The following CDK6 variants were observed in gnomAD, a reference collection of about 807,000 sequenced individuals.
The protein encoded by CDK6 is cyclin dependent kinase 6.
A neutral mutation model predicts 37.1 loss-of-function variants in CDK6; 6 were observed. The ratio of observed to expected loss-of-function variants is 0.16; its 90% CI spans 0.09 to 0.32. The LOEUF is 0.32. Ranked by LOEUF, CDK6 falls within the 10% of genes least tolerant of loss-of-function variation. The pLI, the probability that CDK6 is intolerant of heterozygous loss-of-function variation, is 1.00. For synonymous variants in CDK6, 160 were observed against 161.3 expected (o/e 0.99, Z 0.06); for missense variants, 224 against 418.9 (o/e 0.53, Z 4.06).
chr7:92,732,948 C>G (rs1342561016), intron 3 of CDK6, among the ~76,000 whole-genome samples: 1 of 152,152 alleles, frequency 6.6e-6, no homozygotes, highest in Non-Finnish European at 1.5e-5. Flanking sequence ...ATAGCTGCAT[C>G]AACTTTAGGG....
Position 92,614,700 on chromosome 7 carries a change from C to T in CDK6, c.*440G>A, listed in dbSNP as rs912954760. Reference sequence around the variant, plus strand: ...AAGATCACAGAATCTCTCACATACACACACACACACACACACACACACACA... The same window carrying T: ...AAGATCACAGAATCTCTCACATACATACACACACACACACACACACACACA... On this transcript the variant is annotated 3_prime_UTR_variant, in exon 8 of 8. Coordinates refer to ENST00000424848, the MANE Select transcript of CDK6 (RefSeq NM_001145306.2). The T allele has an allele frequency of 4.7e-5, 6 of 128,088 alleles. No homozygotes were observed. Among genetic ancestry groups the T allele is most frequent in the Middle Eastern group, 2.8e-3 (1 of 354 alleles). 7.9% of individuals were successfully genotyped at this position (128,088 alleles called of 1,614,324 possible).
intron 2 of CDK6, among the ~76,000 whole-genome samples, chr7:92,803,676 G>T (rs1449268283): frequency 6.6e-6 from 1 of 152,134 alleles, no homozygotes; most frequent in Non-Finnish European, 1.5e-5. Context: ...ACCATTTTGG[G>T]GCACATGTGT....
At chr7:92,785,064 T>C (rs1306590726) in intron 2 of CDK6, among the ~76,000 whole-genome samples, 1 of 152,186 alleles carries the variant, frequency 6.6e-6, no homozygotes, top group Admixed American at 6.5e-5. Flanking sequence ...CACTGAATGA[T>C]GACGCAGTGA....
intron 4 of CDK6, among the ~76,000 whole-genome samples, chr7:92,695,786 C>T (rs971540466): frequency 5.3e-5 from 8 of 152,202 alleles, no homozygotes; most frequent in Non-Finnish European, 1.0e-4. Context: ...AGGCTCAGGA[C>T]GGCAGGCTTT....
At chr7:92,771,290 A>C (rs1799711490) in intron 3 of CDK6, among the ~76,000 whole-genome samples, 1 of 123,102 alleles carries the variant, frequency 8.1e-6, no homozygotes, top group African/African-American at 3.2e-5. Context: ...ACTCCGTCTC[A>C]AAAAAAAAAA....
chr7:92,691,126 G>A (rs959026037), intron 4 of CDK6, among the ~76,000 whole-genome samples: 26 of 152,180 alleles, frequency 1.7e-4, no homozygotes, highest in Non-Finnish European at 7.4e-5. Flanking sequence ...ATTTATTGTA[G>A]TATAATGTTG....
chr7:92,612,793 C>T lies in CDK6; in HGVS notation c.*2347G>A. 4.3e-6 allele frequency: 1 copy of T among 233,072 alleles called. No homozygotes were observed. The highest frequency in any genetic ancestry group is 2.2e-5 in the African/African-American group (1 of 45,440). 14.4% of individuals were successfully genotyped at this position (233,072 alleles called of 1,614,324 possible). A position where few individuals can be genotyped will look rare whatever the true frequency, so the allele number is the denominator to read the frequency against. On this transcript the variant is annotated 3_prime_UTR_variant, in exon 8 of 8. Coordinates refer to ENST00000424848, the MANE Select transcript of CDK6 (RefSeq NM_001145306.2). ...TTTCTTGAGTGAACTTATGAAAACA[C>T]TTTTACAACAGCAAAAACTAAAGCT...
At chr7:92,671,733 G>C (rs934200359) in intron 4 of CDK6, among the ~76,000 whole-genome samples, 198 bp from the exon 5 acceptor site, 15 of 152,020 alleles carry the variant, frequency 9.9e-5, no homozygotes, top group African/African-American at 3.4e-4. Context: ...CCACAAACTG[G>C]GTTCCCACCT....
intron 4 of CDK6, among the ~76,000 whole-genome samples, chr7:92,713,686 AAAG>A (rs1300386565): frequency 1.3e-4 from 20 of 151,638 alleles, no homozygotes; most frequent in Non-Finnish European, 2.5e-4. Context: ...AAAAAAAAAA[AAAG>A]AACTAGTATC....
At chr7:92,638,818 A>G (rs1156627284) in intron 5 of CDK6, among the ~76,000 whole-genome samples, 1 of 152,222 alleles carries the variant, frequency 6.6e-6, no homozygotes, top group South Asian at 2.1e-4. Flanking sequence ...TATGCTGAAA[A>G]TTACTAACTT....
chr7:92,833,576 C>T lies in CDK6; in HGVS notation c.-253G>A, dbSNP rs549605897. ...TCCGCCTGCAGAGTCGCCGCCGCCGCCGCCGCCGGAGGAGCGAGCCGATCC... is the reference window on the plus strand; with the variant it reads ...TCCGCCTGCAGAGTCGCCGCCGCCGTCGCCGCCGGAGGAGCGAGCCGATCC... On this transcript the variant is annotated 5_prime_UTR_variant, in exon 2 of 8. Coordinates refer to ENST00000424848, the MANE Select transcript of CDK6 (RefSeq NM_001145306.2). The surrounding 1 kb of genome is among the most constrained non-coding windows in gnomAD (Gnocchi z 6.1). 31 of 544,296 alleles carry T rather than the reference C, an allele frequency of 5.7e-5. No individual in the cohort carries two copies. In the South Asian group the frequency reaches 7.9e-4, roughly 14 times the overall value. 33.7% of individuals were successfully genotyped at this position (544,296 alleles called of 1,614,324 possible).
At chr7:92,808,466 A>C (rs1170627538) in intron 2 of CDK6, among the ~76,000 whole-genome samples, 1 of 152,260 alleles carries the variant, frequency 6.6e-6, no homozygotes, top group East Asian at 1.9e-4. Context: ...GAAACAAATG[A>C]TTCACTTAAA....
At chr7:92,679,508 G>GGAATATAAAT (rs1797284343) in intron 4 of CDK6, among the ~76,000 whole-genome samples, 1 of 152,118 alleles carries the variant, frequency 6.6e-6, no homozygotes, top group Non-Finnish European at 1.5e-5. Flanking sequence ...TGGTTTATCA[G>GGAATATAAAT]GAATATAAAT....
At chr7:92,699,630 C>G (rs944562110) in intron 4 of CDK6, among the ~76,000 whole-genome samples, 1 of 152,158 alleles carries the variant, frequency 6.6e-6, no homozygotes, top group African/African-American at 2.4e-5. Context: ...AATGTCACAT[C>G]AACAATTAAT....
rs539880491 is a variant in CDK6, at chr7:92,662,053, C to G, written c.647+9373G>C. 3.9e-5 allele frequency among the ~76,000 whole-genome samples: 6 copies of G among 152,126 alleles called. No individual in the cohort carries two copies. In the South Asian group the frequency reaches 1.2e-3, roughly 32 times the overall value. On this transcript the variant is annotated intron_variant, in intron 5 of 7. Coordinates refer to ENST00000424848, the MANE Select transcript of CDK6 (RefSeq NM_001145306.2). The stretch of plus-strand genomic sequence containing the variant: ...GAGAATCTTTTCCAGAATGGAGAGA[C>G]AAGGGCATGATTTGACTCTTACGAG...
intron 2 of CDK6, among the ~76,000 whole-genome samples, chr7:92,779,727 T>A (rs1320533922): frequency 6.6e-6 from 1 of 152,200 alleles, no homozygotes; most frequent in Non-Finnish European, 1.5e-5. Flanking sequence ...CCCAAAACTA[T>A]GAAATTTTGT....
intron 5 of CDK6, among the ~76,000 whole-genome samples, chr7:92,643,883 T>C (rs903571548): frequency 3.9e-5 from 6 of 152,266 alleles, no homozygotes; most frequent in African/African-American, 1.4e-4. Context: ...GAAAGGTCTT[T>C]GTGTTTCGCA....
At chr7:92,620,782 C>G (rs1244800810) in intron 6 of CDK6, among the ~76,000 whole-genome samples, 1 of 152,050 alleles carries the variant, frequency 6.6e-6, no homozygotes, top group Admixed American at 6.6e-5. Context: ...GTGCCCTGTG[C>G]CTGTAGTCCC....
At chr7:92,655,826 A>G (rs1042870973) in intron 5 of CDK6, among the ~76,000 whole-genome samples, 4 of 152,272 alleles carry the variant, frequency 2.6e-5, no homozygotes, top group Admixed American at 2.6e-4. Context: ...ATATGTCTGC[A>G]GCTGTCTGTC....
Sources: allele counts gnomAD v4.1 joint callset (sites outside exome capture counted in the v4.1 genomes callset), GRCh38; gene constraint gnomAD v4.1.1; non-coding constraint Gnocchi (gnomAD v3.1); transcripts MANE v1.5; gene names NCBI Gene and HGNC (gene_info 2026-07-23, HGNC 2026-07-21).